SASH1: variants seen among roughly 807,000 people sequenced by gnomAD.
SASH1 encodes SAM and SH3 domain-containing protein 1.
A neutral mutation model predicts 125.2 loss-of-function variants in SASH1; 44 were observed. That is an observed-to-expected ratio of 0.35 (90% CI 0.28 to 0.45). The LOEUF (loss-of-function observed/expected upper bound fraction) is 0.45, where lower values mean the gene tolerates loss of function less well. Among genes scored for constraint, SASH1 ranks in the 20% least tolerant of loss-of-function variants. The pLI is 1.00. For missense variants in SASH1, 1,426 were observed against 1,614.5 expected (o/e 0.88, Z 2.00); for synonymous variants, 639 against 649.1 (o/e 0.98, Z 0.24).
chr6:148,466,580 GAGAC>G (rs1777846672), intron 4 of SASH1, among the ~76,000 whole-genome samples: 2 of 152,138 alleles, frequency 1.3e-5, no homozygotes, highest in African/African-American at 2.4e-5. Flanking sequence ...TCCTCTGAAT[GAGAC>G]AGAGTCTCAT....
At chr6:148,344,656 GTTTTTGCA>G (rs957307643) in intron 1 of SASH1, among the ~76,000 whole-genome samples, 2 of 151,600 alleles carry the variant, frequency 1.3e-5, no homozygotes, top group African/African-American at 4.9e-5. Flanking sequence ...AAAAGGTTTT[GTTTTTGCA>G]TTTTCTGAAG....
At chr6:148,409,879 C>T (rs1350935918) in intron 2 of SASH1, among the ~76,000 whole-genome samples, 1 of 151,948 alleles carries the variant, frequency 6.6e-6, no homozygotes, top group African/African-American at 2.4e-5. Context: ...GGCGAGGCTG[C>T]AGTGAGCCGA....
At chr6:148,548,241 A>C (rs1782673503) in intron 19 of SASH1, 54 bp from the exon 20 acceptor site, 1 of 1,510,214 alleles carries the variant, frequency 6.6e-7, no homozygotes, top group African/African-American at 1.4e-5. Context: ...TACGCGAAGT[A>C]GTCCTCGATG....
chr6:148,246,534 C>CA, the SASH1 span, among the ~76,000 whole-genome samples: 149 of 152,336 alleles, frequency 9.8e-4, 1 homozygote, highest in African/African-American at 3.2e-3. Flanking sequence ...CATTTCTCAT[C>CA]ACTAGCTTTT....
At chr6:148,481,787 G>C (rs1458233230) in intron 7 of SASH1, among the ~76,000 whole-genome samples, 2 of 152,166 alleles carry the variant, frequency 1.3e-5, no homozygotes, top group African/African-American at 4.8e-5. Flanking sequence ...CATAACAGAT[G>C]TAATAAGAAT....
At chr6:148,482,543 G>A (rs1778672411) in intron 7 of SASH1, among the ~76,000 whole-genome samples, 1 of 151,472 alleles carries the variant, frequency 6.6e-6, no homozygotes, top group Admixed American at 6.6e-5. Flanking sequence ...TTTTTTCGAG[G>A]TAGGATCTTG....
intron 2 of SASH1, among the ~76,000 whole-genome samples, chr6:148,392,784 G>C (rs1048254227): frequency 6.6e-6 from 1 of 152,224 alleles, no homozygotes; most frequent in Non-Finnish European, 1.5e-5. Context: ...GGAGCCTGAC[G>C]CCTTGGCCCA....
upstream of SASH1, among the ~76,000 whole-genome samples, chr6:148,267,567 A>G (rs1778977199): frequency 6.6e-6 from 1 of 151,910 alleles, no homozygotes; most frequent in African/African-American, 2.4e-5. Context: ...TTTAGTAGAG[A>G]CGGGGTTTCA....
intron 1 of SASH1, among the ~76,000 whole-genome samples, chr6:148,315,251 A>G (rs1311240733): frequency 1.3e-5 from 2 of 152,210 alleles, no homozygotes; most frequent in Non-Finnish European, 2.9e-5. Context: ...AATAATTTTT[A>G]AAGTAGCTAA....
chr6:148,547,484 G>C (rs1164544286), intron 19 of SASH1, among the ~76,000 whole-genome samples: 1 of 152,158 alleles, frequency 6.6e-6, no homozygotes, highest in Admixed American at 6.5e-5. Flanking sequence ...GGATAAGCAG[G>C]GGGGTGGCTA....
At chr6:148,477,401 G>A (rs112991649) in intron 7 of SASH1, among the ~76,000 whole-genome samples, 2,827 of 152,236 alleles carry the variant, frequency 0.019, 85 homozygotes, top group African/African-American at 0.063. Context: ...AAAAAATAGA[G>A]AAAGTATCTG....
chr6:148,410,203 C>T (rs1018375619), intron 2 of SASH1, among the ~76,000 whole-genome samples: 10 of 142,954 alleles, frequency 7.0e-5, no homozygotes, highest in East Asian at 4.6e-4. Context: ...CTCCGCCTCC[C>T]GGGTTCAAGC....
At chr6:148,486,694 C>G (rs1168057378) in intron 7 of SASH1, among the ~76,000 whole-genome samples, 2 of 146,026 alleles carry the variant, frequency 1.4e-5, no homozygotes, top group Non-Finnish European at 3.0e-5. Flanking sequence ...GGGGGTGGAA[C>G]ACTTGAGCTT....
intron 2 of SASH1, among the ~76,000 whole-genome samples, chr6:148,412,249 C>T (rs1423244451): frequency 1.3e-5 from 2 of 152,052 alleles, no homozygotes; most frequent in African/African-American, 4.8e-5. Flanking sequence ...TTTTATTTTA[C>T]ATTTATTTAG....
chr6:148,376,801 G>A (rs548567126), intron 1 of SASH1, among the ~76,000 whole-genome samples: 1 of 152,066 alleles, frequency 6.6e-6, no homozygotes, highest in Non-Finnish European at 1.5e-5. Flanking sequence ...CCAGGAATTC[G>A]AGGTTACAGT....
chr6:148,224,155 G>T, the SASH1 span, among the ~76,000 whole-genome samples: 1 of 152,238 alleles, frequency 6.6e-6, no homozygotes, highest in Admixed American at 6.5e-5. Context: ...AATTAGCCAG[G>T]TTCGGTGTCT....
intron 2 of SASH1, among the ~76,000 whole-genome samples, chr6:148,411,143 C>CAACAAG (rs1784609113): frequency 1.0e-5 from 1 of 97,768 alleles, no homozygotes; most frequent in African/African-American, 4.0e-5. Context: ...TGAGTGCCTA[C>CAACAAG]AACAAGAGCG....
chr6:148,330,743 G>A (rs1438816628), intron 1 of SASH1, among the ~76,000 whole-genome samples: 2 of 151,980 alleles, frequency 1.3e-5, no homozygotes, highest in Admixed American at 6.6e-5. Context: ...CTGCCACCAC[G>A]ACCGGCTAAT....
intron 1 of SASH1, among the ~76,000 whole-genome samples, chr6:148,289,605 T>G (rs1030862178): frequency 6.6e-6 from 1 of 152,206 alleles, no homozygotes; most frequent in African/African-American, 2.4e-5. Flanking sequence ...TTTTTAAGCC[T>G]GATTAGCCTT....
Sources: allele counts gnomAD v4.1 joint callset (sites outside exome capture counted in the v4.1 genomes callset), GRCh38; gene constraint gnomAD v4.1.1; transcripts MANE v1.5; gene names NCBI Gene and HGNC (gene_info 2026-07-23, HGNC 2026-07-21).